The following LAMC1 variants were observed in gnomAD, a reference collection of about 807,000 sequenced individuals.
LAMC1 encodes laminin subunit gamma 1.
LAMC1 carries 38 observed loss-of-function variants against 173.6 expected under a neutral mutation model. That is an observed-to-expected ratio of 0.22 (90% CI 0.17 to 0.29). The LOEUF (loss-of-function observed/expected upper bound fraction) is 0.29, where lower values mean the gene tolerates loss of function less well. Among genes scored for constraint, LAMC1 ranks in the 10% least tolerant of loss-of-function variants. The pLI is 1.00. For synonymous variants in LAMC1, 746 were observed against 749.1 expected (o/e 1.00, Z 0.07); for missense variants, 1,824 against 2,051.8 (o/e 0.89, Z 2.14).
rs117207745 is a variant in LAMC1 at position 183,098,366 on chromosome 1, C to T, written c.419-4962C>T. Among the ~76,000 whole-genome samples the T allele has an allele frequency of 7.9e-5, 12 of 152,318 alleles. No individual in the cohort carries two copies. The East Asian group carries it at 2.1e-3, about 27-fold the overall frequency. On this transcript the variant is annotated intron_variant, in intron 1 of 27. Coordinates refer to ENST00000258341, the MANE Select transcript of LAMC1 (RefSeq NM_002293.4). Reference sequence around the variant, plus strand: ...CACTTTGACCCCTCTATTCCATTTTCTGTATTTGCCTTCTTATTTATCCAG... The same window carrying T: ...CACTTTGACCCCTCTATTCCATTTTTTGTATTTGCCTTCTTATTTATCCAG...
At chr1:183,137,047 A>G (rs1380271639) in intron 25 of LAMC1, among the ~76,000 whole-genome samples, 1 of 152,226 alleles carries the variant, frequency 6.6e-6, no homozygotes, top group African/African-American at 2.4e-5. Flanking sequence ...CTTTGAAGTC[A>G]TCTTCAAGAA....
intron 2 of LAMC1, among the ~76,000 whole-genome samples, chr1:183,105,440 A>G (rs1655954146): frequency 6.6e-6 from 1 of 151,700 alleles, no homozygotes; most frequent in Admixed American, 6.6e-5. Context: ...GTCAGTAGAA[A>G]ATGCAGTGAT....
chr1:183,111,896 G>A (rs983322093), intron 4 of LAMC1, among the ~76,000 whole-genome samples: 6 of 152,224 alleles, frequency 3.9e-5, no homozygotes, highest in African/African-American at 1.2e-4. Flanking sequence ...TTAGCCAGGT[G>A]TGGTGGTGCA....
intron 24 of LAMC1, among the ~76,000 whole-genome samples, chr1:183,135,908 AAGT>A (rs1208368372): frequency 6.6e-6 from 1 of 151,418 alleles, no homozygotes; most frequent in African/African-American, 2.4e-5. Context: ...AAAAAAAAAA[AAGT>A]AGTAGTTCAA....
At chr1:183,083,622 TAA>T (rs1420451569) in intron 1 of LAMC1, among the ~76,000 whole-genome samples, 1 of 152,212 alleles carries the variant, frequency 6.6e-6, no homozygotes, top group Non-Finnish European at 1.5e-5. Flanking sequence ...AGAAGTTTTT[TAA>T]AAAGGTTTTT....
At chr1:183,080,102 G>A (rs906331956) in intron 1 of LAMC1, among the ~76,000 whole-genome samples, 30 of 152,184 alleles carry the variant, frequency 2.0e-4, no homozygotes. Context: ...AAATTAGCCG[G>A]GTGTGGTGGT....
Position 183,140,450 on chromosome 1 carries a change from A to G in LAMC1, c.4520A>G (p.Lys1507Arg), listed in dbSNP as rs1446129553. The G allele has an allele frequency of 3.1e-6, 5 of 1,613,808 alleles. No individual in the cohort carries two copies. The highest frequency in any genetic ancestry group is 4.2e-6 in the Non-Finnish European group (5 of 1,179,878). ...GCCGAGATCAATGCCAGAAAAGCCA[A>G]AAACTCTGTTACTAGCCTCCTCAGC... ...QEAEINARKA[K>R]NSVTSLLSII... is the part of the protein sequence containing the mutation. Residue 1507 changes from lysine to arginine, a missense_variant, in exon 27 of 28, where the codon AAA (lysine) becomes AGA (arginine). Physicochemically the swap from Lys to Arg is conservative, Grantham distance 26. Coordinates refer to ENST00000258341, the MANE Select transcript of LAMC1 (RefSeq NM_002293.4).
At chr1:183,131,435 G>A in intron 20 of LAMC1, 57 bp downstream of exon 20, 1 of 959,764 alleles carries the variant, frequency 1.0e-6, no homozygotes, top group Non-Finnish European at 1.7e-6. Context: ...TGGGGTGTGT[G>A]TGTGTGTGTG....
At chr1:183,106,232 T>C (rs1162419470) in intron 2 of LAMC1, among the ~76,000 whole-genome samples, 4 of 152,208 alleles carry the variant, frequency 2.6e-5, no homozygotes, top group Non-Finnish European at 5.9e-5. Context: ...GAAGCTCTTA[T>C]TCAAAGAGAG....
intron 18 of LAMC1, among the ~76,000 whole-genome samples, chr1:183,129,899 C>T (rs1170448807): frequency 2.6e-5 from 4 of 152,156 alleles, no homozygotes; most frequent in Admixed American, 2.6e-4. Context: ...ATTTGTCATA[C>T]TTCAACTTAT....
chr1:183,087,185 CA>C (rs1283487449), intron 1 of LAMC1, among the ~76,000 whole-genome samples: 1 of 152,122 alleles, frequency 6.6e-6, no homozygotes, highest in African/African-American at 2.4e-5. Context: ...TATTGCCTGG[CA>C]CTGAGTAAAT....
chr1:183,100,558 G>C (rs1220565625), intron 1 of LAMC1, among the ~76,000 whole-genome samples: 1 of 152,150 alleles, frequency 6.6e-6, no homozygotes, highest in Non-Finnish European at 1.5e-5. Context: ...GTCCCTGTTT[G>C]CTTAGCTCAT....
intron 1 of LAMC1, among the ~76,000 whole-genome samples, chr1:183,097,363 A>G (rs964574449): frequency 1.1e-4 from 17 of 152,204 alleles, no homozygotes; most frequent in Non-Finnish European, 2.9e-5. Flanking sequence ...ACTTCCAAAG[A>G]GTTAACACAT....
In LAMC1 at chr1:183,137,849, G is replaced by A. The variant is rs374840677; in HGVS notation, c.4473+22G>A. ...GATGGTAAGAGGTTTTGGTATATTT[G>A]CTCATTGGCAGAAAGTGAACAGTGT... On this transcript the variant is annotated intron_variant, in intron 26 of 27. Coordinates refer to ENST00000258341, the MANE Select transcript of LAMC1 (RefSeq NM_002293.4). 3.2e-6 allele frequency: 5 copies of A among 1,577,536 alleles called. No homozygotes were observed. The African/African-American group carries it at 5.5e-5, about 17-fold the overall frequency.
chr1:183,094,098 C>T (rs1242830793), intron 1 of LAMC1, among the ~76,000 whole-genome samples: 1 of 152,146 alleles, frequency 6.6e-6, no homozygotes, highest in Non-Finnish European at 1.5e-5. Context: ...CTCCTCTCAG[C>T]TTCTCTCACC....
At chr1:183,055,957 T>G (rs867181393) in intron 1 of LAMC1, among the ~76,000 whole-genome samples, 3 of 152,226 alleles carry the variant, frequency 2.0e-5, no homozygotes, top group Non-Finnish European at 4.4e-5. Context: ...AGAGAGAGAT[T>G]ATAGAGTTAC....
At chr1:183,035,814 TATTC>T (rs1653965431) in intron 1 of LAMC1, among the ~76,000 whole-genome samples, 2 of 152,186 alleles carry the variant, frequency 1.3e-5, no homozygotes, top group African/African-American at 4.8e-5. Context: ...CCCTATTCTT[TATTC>T]AAACCTAGAC....
At chr1:183,100,049 T>C (rs2102066924) in intron 1 of LAMC1, among the ~76,000 whole-genome samples, 1 of 152,310 alleles carries the variant, frequency 6.6e-6, no homozygotes, top group East Asian at 1.9e-4. Flanking sequence ...AAAGCAGCTT[T>C]GACAATGAAA....
chr1:183,035,379 G>T (rs1653953306), intron 1 of LAMC1, among the ~76,000 whole-genome samples: 1 of 152,084 alleles, frequency 6.6e-6, no homozygotes, highest in South Asian at 2.1e-4. Context: ...TAGAGATGGG[G>T]TCTCTCTGTG....
Sources: gnomAD v4.1 joint callset for allele counts (sites outside exome capture counted in the v4.1 genomes callset) on GRCh38, gnomAD v4.1.1 for gene constraint, MANE v1.5 for transcripts, NCBI Gene and HGNC (gene_info 2026-07-23, HGNC 2026-07-21) for gene names.